The following ADARB2 variants were observed in gnomAD, a reference collection of about 807,000 sequenced individuals.
ADARB2 encodes the protein adenosine deaminase RNA specific B2 (inactive), also known as inactive double-stranded RNA-specific editase B2.
ADARB2 carries 25 observed loss-of-function variants against 62.2 expected under a neutral mutation model. The observed-to-expected ratio is 0.40, with a 90% CI of 0.29 to 0.56. The LOEUF (loss-of-function observed/expected upper bound fraction) is 0.56. ADARB2 is among the 20% of genes least tolerant of loss of function. ADARB2 has a pLI of 0.43. For missense variants in ADARB2, 1,071 were observed against 1,077.4 expected, an observed-to-expected ratio of 0.99 and a Z score of 0.08; for synonymous variants, 572 against 500.8, an observed-to-expected ratio of 1.14 and a Z score of -1.90.
At chr10:1,422,864 G>T (rs1267735377) in intron 1 of ADARB2, among the ~76,000 whole-genome samples, 2 of 152,130 alleles carry the variant, frequency 1.3e-5, no homozygotes, top group Non-Finnish European at 2.9e-5. Flanking sequence ...TCCGCCTGGG[G>T]TCTACCCCAT....
chr10:1,419,030 C>T (rs1411745026), intron 1 of ADARB2, among the ~76,000 whole-genome samples: 3 of 152,180 alleles, frequency 2.0e-5, no homozygotes, highest in Non-Finnish European at 4.4e-5. Flanking sequence ...TTAGACAACA[C>T]TGGTTTTCAG....
intron 1 of ADARB2, among the ~76,000 whole-genome samples, chr10:1,603,782 T>C (rs7911098): frequency 0.92 from 138,561 of 151,196 alleles, 63,517 homozygotes; most frequent in South Asian, 0.94. Flanking sequence ...ACTGTAGTAT[T>C]AATATACAGT....
intron 7 of ADARB2, 73 bp from the exon 8 acceptor site, chr10:1,200,220 C>G (rs1350227711): frequency 6.5e-7 from 1 of 1,539,430 alleles, no homozygotes; most frequent in Non-Finnish European, 8.8e-7. Context: ...TGTCCGTCTG[C>G]GGCCTGGTCC....
chr10:1,473,069 A>G (rs72764920), intron 1 of ADARB2, among the ~76,000 whole-genome samples: 2,346 of 152,196 alleles, frequency 0.015, 29 homozygotes, highest in Non-Finnish European at 0.025. Context: ...ATCATGGGGG[A>G]AGGAACGTGG....
chr10:1,220,417 C>T lies in ADARB2; in HGVS notation c.1514-3298G>A, dbSNP rs1407153688. ...TGGTGATTGTGGTGGTGATGATGGT[C>T]GTGATGGTGATGATGGTGGTGATGA... On this transcript the variant is annotated intron_variant, in intron 6 of 9. Transcript: ENST00000381312. Among the ~76,000 whole-genome samples the T allele has an allele frequency of 3.6e-5, 5 of 138,788 alleles. No individual in the cohort carries two copies. In the East Asian group the frequency reaches 7.1e-4, roughly 20 times the overall value. 91.1% of individuals were successfully genotyped at this position (138,788 alleles called of 152,430 possible).
At chr10:1,546,895 GAGGC>G (rs1192864846) in intron 1 of ADARB2, among the ~76,000 whole-genome samples, 1 of 152,258 alleles carries the variant, frequency 6.6e-6, no homozygotes, top group Non-Finnish European at 1.5e-5. Flanking sequence ...GGGCTGGCTG[GAGGC>G]AGGGCTGCCA....
intron 7 of ADARB2, among the ~76,000 whole-genome samples, chr10:1,206,028 C>G (rs534187751): frequency 4.0e-5 from 6 of 151,510 alleles, no homozygotes; most frequent in African/African-American, 1.5e-4. Flanking sequence ...GGCAGCTGGG[C>G]TCAGGTGGGG....
chr10:1,447,726 C>T lies in ADARB2; in HGVS notation c.101-68566G>A, dbSNP rs886119277. ...TGGTAGTTTTTTGATCTCCATCCTC[C>T]TTTCACCTCCAACCTCAAGCAGGCC... On this transcript the variant is annotated intron_variant, in intron 1 of 9. Coordinates refer to ENST00000381312, the MANE Select transcript of ADARB2 (RefSeq NM_018702.4). 2.6e-5 allele frequency among the ~76,000 whole-genome samples: 4 copies of T among 152,080 alleles called. No individual in the cohort carries two copies. The East Asian group carries it at 7.7e-4, about 29-fold the overall frequency.
intron 1 of ADARB2, among the ~76,000 whole-genome samples, chr10:1,723,668 C>T (rs78173546): frequency 0.13 from 19,380 of 152,122 alleles, 1,450 homozygotes; most frequent in South Asian, 0.18. Flanking sequence ...AGAATCACCA[C>T]GGTTCTCTCC....
chr10:1,707,796 T>C (rs1834907426), intron 1 of ADARB2, among the ~76,000 whole-genome samples: 1 of 152,244 alleles, frequency 6.6e-6, no homozygotes, highest in African/African-American at 2.4e-5. Context: ...GTTAAAGCTG[T>C]TTCCTGCAGG....
chr10:1,474,016 C>A (rs1489987123), intron 1 of ADARB2, among the ~76,000 whole-genome samples: 1 of 147,862 alleles, frequency 6.8e-6, no homozygotes. Flanking sequence ...GAGCCCTTGA[C>A]AGGGGGCTGG....
At chr10:1,670,757 G>T (rs1369310940) in intron 1 of ADARB2, among the ~76,000 whole-genome samples, 1 of 152,174 alleles carries the variant, frequency 6.6e-6, no homozygotes, top group Non-Finnish European at 1.5e-5. Flanking sequence ...CCAACACTAC[G>T]GCTTCCTGAG....
chr10:1,482,030 A>G (rs898501491), intron 1 of ADARB2, among the ~76,000 whole-genome samples: 2 of 152,222 alleles, frequency 1.3e-5, no homozygotes, highest in Non-Finnish European at 2.9e-5. Context: ...AATAAAAATC[A>G]AAACCATGAG....
At position 1,653,606 on chromosome 10, in the gene ADARB2, A is replaced by G. The variant is rs550049049; in HGVS notation, c.100+83445T>C. On this transcript the variant is annotated intron_variant, in intron 1 of 9. Transcript: ENST00000381312. ...GCCTGCAGAGCCACAGTCTCCACCC[A>G]ACGCCTTCTGTGCCTGCAGAGCCGC... Among the ~76,000 whole-genome samples the G allele has an allele frequency of 2.7e-3, 241 of 89,016 alleles. 1 individual carries two copies. Among genetic ancestry groups the G allele is most frequent in the Non-Finnish European group, 3.0e-3 (138 of 46,352 alleles). The allele number at this position is 89,016 out of a possible 152,430, so 58.4% of individuals were successfully genotyped here. A position where few individuals can be genotyped will look rare whatever the true frequency, so the allele number is the denominator to read the frequency against.
At chr10:1,258,450 T>A (rs1395878854) in intron 4 of ADARB2, among the ~76,000 whole-genome samples, 2 of 152,024 alleles carry the variant, frequency 1.3e-5, no homozygotes, top group Non-Finnish European at 2.9e-5. Context: ...CTCAAAGGGA[T>A]GGAGGAAGAT....
At chr10:1,506,600 G>A (rs1281497211) in intron 1 of ADARB2, among the ~76,000 whole-genome samples, 2 of 152,230 alleles carry the variant, frequency 1.3e-5, no homozygotes, top group Non-Finnish European at 2.9e-5. Context: ...CAGGCGTCCT[G>A]CCGACCCACT....
intron 4 of ADARB2, among the ~76,000 whole-genome samples, chr10:1,244,075 G>A (rs1589163880): frequency 6.6e-6 from 1 of 152,226 alleles, no homozygotes; most frequent in Non-Finnish European, 1.5e-5. Context: ...TCCTGGGTGC[G>A]GGGGCTGCCC....
intron 1 of ADARB2, among the ~76,000 whole-genome samples, chr10:1,700,091 T>G (rs867493422): frequency 6.7e-4 from 2 of 2,974 alleles, no homozygotes; most frequent in African/African-American, 1.5e-3. Flanking sequence ...GTCAATACAC[T>G]CAATCCCACT....
At position 1,363,831 on chromosome 10, in the gene ADARB2, C is replaced by G. The variant is rs1041764548; in HGVS notation, c.274G>C (p.Gly92Arg). The G allele has an allele frequency of 1.3e-6, 2 of 1,568,042 alleles. No individual in the cohort carries two copies. The highest frequency in any genetic ancestry group is 1.7e-6 in the Non-Finnish European group (2 of 1,164,776). Residue 92 changes from glycine to arginine, a missense_variant, in exon 3 of 10, where the codon GGC (glycine) becomes CGC (arginine). Coordinates refer to ENST00000381312, the MANE Select transcript of ADARB2 (RefSeq NM_018702.4). ...PPPSGDRARG[G>R]APGAKRKRPL... ...CGCTTCCTCTTCGCGCCGGGCGCGC[C>G]GCCCCGGGCCCGGTCCCCGGAGGGC...
Sources: allele counts gnomAD v4.1 joint callset (sites outside exome capture counted in the v4.1 genomes callset), GRCh38; gene constraint gnomAD v4.1.1; transcripts MANE v1.5; gene names NCBI Gene and HGNC (gene_info 2026-07-23, HGNC 2026-07-21).